Variants in MNAT1 observed in about 807,000 individuals in gnomAD.
MNAT1 encodes the protein MNAT1 component of CDK activating kinase.
Under a neutral mutation model 42.0 loss-of-function variants are expected in MNAT1, and 43 were observed. The observed-to-expected ratio is 1.02, with a 90% CI of 0.80 to 1.32. The LOEUF (loss-of-function observed/expected upper bound fraction) is 1.32. Ranked by LOEUF, MNAT1 falls within the 40% of genes most tolerant of loss-of-function variation. The pLI is 0.00. For missense variants in MNAT1, 306 were observed against 350.4 expected (o/e 0.87, Z 1.01); for synonymous variants, 118 against 120.0 (o/e 0.98, Z 0.11).
At chr14:60,883,126 G>A (rs556384652) in intron 7 of MNAT1, among the ~76,000 whole-genome samples, 2 of 152,056 alleles carry the variant, frequency 1.3e-5, no homozygotes, top group African/African-American at 2.4e-5. Context: ...GCCTGTGCTT[G>A]TGGGGGTGTT....
chr14:60,882,288 T>G (rs891155418), intron 7 of MNAT1, among the ~76,000 whole-genome samples: 1 of 152,106 alleles, frequency 6.6e-6, no homozygotes, highest in African/African-American at 2.4e-5. Context: ...CTACTCCCTA[T>G]CAGTTCAATT....
intron 7 of MNAT1, among the ~76,000 whole-genome samples, chr14:60,926,385 A>G (rs1314983328): frequency 6.6e-6 from 1 of 152,202 alleles, no homozygotes; most frequent in Non-Finnish European, 1.5e-5. Context: ...GCTCAGTCCC[A>G]TAAGACTGCC....
chr14:60,802,040 A>G (rs1030398678), intron 3 of MNAT1, among the ~76,000 whole-genome samples: 2 of 152,234 alleles, frequency 1.3e-5, no homozygotes, highest in Non-Finnish European at 2.9e-5. Context: ...CAAATATGGC[A>G]TGGTCTCACT....
intron 7 of MNAT1, among the ~76,000 whole-genome samples, chr14:60,957,899 A>G (rs1446748731): frequency 6.6e-6 from 1 of 151,962 alleles, no homozygotes; most frequent in Non-Finnish European, 1.5e-5. Flanking sequence ...GTGCAGTGGC[A>G]CGATCTCAGC....
At chr14:60,736,101 A>G (rs1311961446) in intron 1 of MNAT1, among the ~76,000 whole-genome samples, 3 of 152,228 alleles carry the variant, frequency 2.0e-5, no homozygotes, top group Non-Finnish European at 2.9e-5. Context: ...TTTACTCTGC[A>G]AAGAAGTATA....
intron 6 of MNAT1, among the ~76,000 whole-genome samples, chr14:60,844,118 C>T (rs1302098952): frequency 8.9e-6 from 1 of 112,254 alleles, no homozygotes; most frequent in Non-Finnish European, 1.9e-5. Context: ...TTCTGTTTTC[C>T]TTATTCTGTT....
Position 60,914,419 on chromosome 14 carries a change from C to T in MNAT1, c.809+34584C>T, listed in dbSNP as rs999088710. Among the ~76,000 whole-genome samples the T allele has an allele frequency of 1.2e-4, 19 of 152,024 alleles. 1 individual carries two copies. Among genetic ancestry groups the T allele is most frequent in the Middle Eastern group, 6.3e-3 (2 of 316 alleles). ...AATCACCTGTCTTCTGCATTGCTCA[C>T]GCTGGGAGCTGTAGACTGGAGCTGT... On this transcript the variant is annotated intron_variant, in intron 7 of 7. Transcript: ENST00000261245.
intron 7 of MNAT1, among the ~76,000 whole-genome samples, chr14:60,954,870 C>A (rs2036453807): frequency 6.6e-6 from 1 of 151,846 alleles, no homozygotes; most frequent in Non-Finnish European, 1.5e-5. Flanking sequence ...TATATATGGC[C>A]TTTATTGTGT....
At chr14:60,801,530 C>A (rs965953871) in intron 3 of MNAT1, among the ~76,000 whole-genome samples, 1 of 152,066 alleles carries the variant, frequency 6.6e-6, no homozygotes, top group Non-Finnish European at 1.5e-5. Context: ...GGGCAAAGGA[C>A]CTGAATAGAC....
At chr14:60,913,792 G>C (rs1010242505) in intron 7 of MNAT1, among the ~76,000 whole-genome samples, 14 of 152,218 alleles carry the variant, frequency 9.2e-5, no homozygotes, top group Non-Finnish European at 1.8e-4. Flanking sequence ...TCTTGAGGAG[G>C]CAGTCTGTCG....
At chr14:60,789,954 T>C (rs924763248) in intron 1 of MNAT1, among the ~76,000 whole-genome samples, 13 of 152,154 alleles carry the variant, frequency 8.5e-5, no homozygotes, top group Non-Finnish European at 1.5e-5. Context: ...TTCTTTCTTT[T>C]TTTTTCTATT....
At chr14:60,764,774 A>G (rs2030746985) in intron 1 of MNAT1, among the ~76,000 whole-genome samples, 1 of 152,224 alleles carries the variant, frequency 6.6e-6, no homozygotes, top group African/African-American at 2.4e-5. Flanking sequence ...AAATTAGCAA[A>G]TGGTAGTAGC....
intron 1 of MNAT1, among the ~76,000 whole-genome samples, chr14:60,767,506 A>G (rs191463003): frequency 2.3e-4 from 35 of 152,338 alleles, no homozygotes; most frequent in African/African-American, 6.7e-4. Flanking sequence ...AATAAAATCC[A>G]AGTGGTAATT....
In MNAT1 at chr14:60,818,623, A is replaced by G. The variant is rs4151227; in HGVS notation, c.562-99A>G. 7.8e-3 allele frequency: 8,279 copies of G among 1,064,694 alleles called. 33 individuals are homozygous for G. Among genetic ancestry groups the G allele is most frequent in the Non-Finnish European group, 9.4e-3 (7,345 of 780,174 alleles). 66.0% of individuals were successfully genotyped at this position (1,064,694 alleles called of 1,614,324 possible). On this transcript the variant is annotated intron_variant, in intron 5 of 7. Transcript: ENST00000261245. ...CCATAATGTGAATATTTAGTTTGAC[A>G]TGAAATGCTTATGGAAAAGACATAA...
chr14:60,831,185 A>G (rs377208638), intron 6 of MNAT1, among the ~76,000 whole-genome samples: 14 of 150,112 alleles, frequency 9.3e-5, no homozygotes, highest in Admixed American at 5.3e-4. Flanking sequence ...GTACATGGAG[A>G]TACATATGGG....
At chr14:60,907,508 T>A (rs1036061155) in intron 7 of MNAT1, among the ~76,000 whole-genome samples, 1 of 150,954 alleles carries the variant, frequency 6.6e-6, no homozygotes, top group African/African-American at 2.4e-5. Flanking sequence ...TTTAAAGTTT[T>A]CAATTGTGGG....
At chr14:60,789,021 C>G (rs1235012530) in intron 1 of MNAT1, among the ~76,000 whole-genome samples, 2 of 152,140 alleles carry the variant, frequency 1.3e-5, no homozygotes, top group African/African-American at 2.4e-5. Flanking sequence ...AGCTTTTGGG[C>G]TATCTCAGCT....
intron 1 of MNAT1, among the ~76,000 whole-genome samples, chr14:60,782,244 G>A (rs893521061): frequency 2.0e-5 from 3 of 151,916 alleles, no homozygotes; most frequent in African/African-American, 7.3e-5. Context: ...AGCTTATGGG[G>A]GACCATTTGA....
At chr14:60,763,177 T>A (rs939407155) in intron 1 of MNAT1, among the ~76,000 whole-genome samples, 1 of 152,192 alleles carries the variant, frequency 6.6e-6, no homozygotes, top group Non-Finnish European at 1.5e-5. Flanking sequence ...TCATTGGTGC[T>A]AATGGAAATT....
Sources: allele counts gnomAD v4.1 joint callset (sites outside exome capture counted in the v4.1 genomes callset), GRCh38; gene constraint gnomAD v4.1.1; transcripts MANE v1.5; gene names NCBI Gene and HGNC (gene_info 2026-07-23, HGNC 2026-07-21).